Variants in ANKS1A observed in about 807,000 individuals in gnomAD.
ANKS1A encodes ankyrin repeat and SAM domain-containing protein 1A.
In ANKS1A, 55 loss-of-function variants were observed where a neutral mutation model predicts 120.3. That is an observed-to-expected ratio of 0.46 (90% CI 0.37 to 0.57). The LOEUF (loss-of-function observed/expected upper bound fraction) is 0.57. Among genes scored for constraint, ANKS1A ranks in the 20% least tolerant of loss-of-function variants. ANKS1A has a pLI of 0.00. For missense variants in ANKS1A, 1,123 were observed against 1,480.3 expected, an observed-to-expected ratio of 0.76 and a Z score of 3.96; for synonymous variants, 590 against 604.7, an observed-to-expected ratio of 0.98 and a Z score of 0.36.
chr6:34,910,860 CA>C (rs10715320), intron 1 of ANKS1A, among the ~76,000 whole-genome samples: 18,174 of 80,124 alleles, frequency 0.23, 2,101 homozygotes, highest in African/African-American at 0.46. Context: ...AACTCCATCT[CA>C]AAAAAAAAAA....
intron 11 of ANKS1A, among the ~76,000 whole-genome samples, chr6:35,030,179 T>G (rs1176494237): frequency 2.0e-5 from 3 of 152,240 alleles, no homozygotes; most frequent in African/African-American, 7.2e-5. Context: ...CAGTTACTTT[T>G]CATTTCCTCT....
intron 2 of ANKS1A, among the ~76,000 whole-genome samples, chr6:34,968,713 C>T (rs906624776): frequency 3.3e-5 from 5 of 152,190 alleles, no homozygotes; most frequent in Non-Finnish European, 5.9e-5. Context: ...GCTGGGATTA[C>T]AGGCATGAGC....
rs1372423251 is a variant in ANKS1A, at chr6:35,086,492, T to G, written c.3304-460T>G. 1 of 597,894 alleles carries G rather than the reference T, an allele frequency of 1.7e-6. No homozygotes were observed. The highest frequency in any genetic ancestry group is 6.6e-5 in the East Asian group (1 of 15,066). The allele number at this position is 597,894 out of a possible 1,614,324, so 37.0% of individuals were successfully genotyped here. A position where few individuals can be genotyped will look rare whatever the true frequency, so the allele number is the denominator to read the frequency against. ...TTTCCCCTCTTCCTGAGATGCCCTC[T>G]GCCTGTTCTGTGTGTGCTTCAGCCC... On this transcript the variant is annotated intron_variant, in intron 22 of 23. Coordinates refer to ENST00000360359, the MANE Select transcript of ANKS1A (RefSeq NM_015245.3). The surrounding 1 kb of genome is among the most constrained non-coding windows in gnomAD (Gnocchi z 5.1).
At chr6:35,081,448 T>C in intron 17 of ANKS1A, among the ~76,000 whole-genome samples, 1 of 152,136 alleles carries the variant, frequency 6.6e-6, no homozygotes, top group East Asian at 1.9e-4. Flanking sequence ...CTGTCCGCTC[T>C]TTCTCTGTGG....
chr6:35,016,260 A>C (rs9380482), intron 10 of ANKS1A, among the ~76,000 whole-genome samples: 17,085 of 152,220 alleles, frequency 0.11, 1,598 homozygotes, highest in East Asian at 0.56. Context: ...AAGACTCCTC[A>C]TCTGTAAACA....
chr6:34,934,045 G>GT lies in ANKS1A; in HGVS notation c.198-33188dup, dbSNP rs370315211. 2.2e-3 allele frequency among the ~76,000 whole-genome samples: 335 copies of GT among 152,254 alleles called. 1 individual carries two copies. The highest frequency in any genetic ancestry group is 7.6e-3 in the African/African-American group (315 of 41,562). ...TGTACGTTGGAGAATTAAAAGCTTT[G>GT]TTTTTTCTCTTATACTCCATACAAA... On this transcript the variant is annotated intron_variant, in intron 1 of 23. Coordinates refer to ENST00000360359, the MANE Select transcript of ANKS1A (RefSeq NM_015245.3).
intron 1 of ANKS1A, among the ~76,000 whole-genome samples, chr6:34,929,158 C>T (rs546996547): frequency 3.3e-5 from 5 of 152,276 alleles, no homozygotes; most frequent in African/African-American, 9.6e-5. Flanking sequence ...TAAAGCACTT[C>T]GAATGAGATC....
At chr6:35,024,388 A>G (rs553197030) in intron 11 of ANKS1A, among the ~76,000 whole-genome samples, 1 of 152,270 alleles carries the variant, frequency 6.6e-6, no homozygotes, top group Non-Finnish European at 1.5e-5. Flanking sequence ...ATTAAAGTTT[A>G]TGAAAGAGAA....
intron 1 of ANKS1A, among the ~76,000 whole-genome samples, chr6:34,940,823 G>A (rs995756157): frequency 3.3e-5 from 5 of 151,342 alleles, no homozygotes; most frequent in Non-Finnish European, 5.9e-5. Context: ...CGGGAGAATC[G>A]CTTGAACTCA....
intron 1 of ANKS1A, among the ~76,000 whole-genome samples, chr6:34,923,995 T>C (rs959832106): frequency 9.2e-5 from 14 of 151,976 alleles, no homozygotes; most frequent in African/African-American, 3.4e-4. Flanking sequence ...GCAAAAAAAT[T>C]AGCTGTATGG....
chr6:34,903,385 G>A (rs757091133), intron 1 of ANKS1A, among the ~76,000 whole-genome samples: 3 of 150,470 alleles, frequency 2.0e-5, no homozygotes, highest in Non-Finnish European at 4.4e-5. Flanking sequence ...TTGCTCTGTT[G>A]CCCAGGCTGG....
In ANKS1A at chr6:34,936,267, A is replaced by G. The variant is rs75572687; in HGVS notation, c.198-30972A>G. 6.0e-3 allele frequency among the ~76,000 whole-genome samples: 907 copies of G among 152,140 alleles called. 10 individuals are homozygous for G. Among genetic ancestry groups the G allele is most frequent in the African/African-American group, 0.021 (864 of 41,514 alleles). ...GAAATTCAGGCCAGGGCAGCAGCAG[A>G]AGTAGAAAGACCTCCACTGTCACTG... On this transcript the variant is annotated intron_variant, in intron 1 of 23. Coordinates refer to ENST00000360359, the MANE Select transcript of ANKS1A (RefSeq NM_015245.3).
chr6:35,018,089 GGGCTGGCCA>G, intron 11 of ANKS1A, 30 bp downstream of exon 11: 1 of 1,597,304 alleles, frequency 6.3e-7, no homozygotes, highest in Non-Finnish European at 8.5e-7. Flanking sequence ...ACAGGGAGCT[GGGCTGGCCA>G]GGCTGGCCGC....
chr6:34,902,619 G>A (rs1305124387), intron 1 of ANKS1A, among the ~76,000 whole-genome samples: 1 of 151,844 alleles, frequency 6.6e-6, no homozygotes, highest in African/African-American at 2.4e-5. Flanking sequence ...ATGTTTTGTC[G>A]ACCAAATTGA....
chr6:34,897,455 T>A (rs970637663), intron 1 of ANKS1A, among the ~76,000 whole-genome samples: 3 of 152,200 alleles, frequency 2.0e-5, no homozygotes, highest in African/African-American at 7.2e-5. Flanking sequence ...ACTGGGTTTT[T>A]AGCCCAGAAA....
intron 10 of ANKS1A, among the ~76,000 whole-genome samples, chr6:35,016,028 G>T (rs1001843721): frequency 6.6e-6 from 1 of 152,188 alleles, no homozygotes; most frequent in Non-Finnish European, 1.5e-5. Flanking sequence ...GGAGAAGTGT[G>T]CCATCATGAC....
Position 35,081,078 on chromosome 6 carries a change from C to T in ANKS1A, c.2629C>T (p.Pro877Ser), listed in dbSNP as rs772504110. The T allele has an allele frequency of 5.6e-6, 9 of 1,613,962 alleles. No individual in the cohort carries two copies. In the East Asian group the frequency reaches 1.8e-4, roughly 32 times the overall value. Reference protein sequence around the residue: ...TGRSADLLLPPGDTGRRRHDS... With the variant: ...TGRSADLLLPSGDTGRRRHDS... ...GCGGTCGGCAGATCTGCTGCTGCCT[C>T]CAGGGGACACAGGCAGGAGGCGCCA... The change falls in exon 17 of 24, where the codon CCA (proline) becomes TCA (serine). Residue 877 changes from proline to serine, a missense_variant. Transcript: ENST00000360359.
intron 11 of ANKS1A, chr6:35,023,758 A>T: frequency 3.0e-6 from 1 of 332,532 alleles, no homozygotes; most frequent in Middle Eastern, 4.2e-4. Context: ...AGAGGCACCA[A>T]AGTAGTTCTA....
chr6:34,925,596 T>C (rs1018336801), intron 1 of ANKS1A, among the ~76,000 whole-genome samples: 1 of 152,184 alleles, frequency 6.6e-6, no homozygotes, highest in South Asian at 2.1e-4. Context: ...AATTGGAGAA[T>C]CTAGTTCAGG....
Sources: gnomAD v4.1 joint callset for allele counts (sites outside exome capture counted in the v4.1 genomes callset) on GRCh38, gnomAD v4.1.1 for gene constraint, Gnocchi (gnomAD v3.1) non-coding constraint, MANE v1.5 for transcripts, NCBI Gene and HGNC (gene_info 2026-07-23, HGNC 2026-07-21) for gene names.